Variants in MED12L observed in about 807,000 individuals in gnomAD.
The protein encoded by MED12L is mediator complex subunit 12L, also known as mediator of RNA polymerase II transcription subunit 12-like protein.
MED12L carries 60 observed loss-of-function variants against 281.3 expected under a neutral mutation model. The observed-to-expected ratio is 0.21, with a 90% CI of 0.17 to 0.26. The LOEUF (loss-of-function observed/expected upper bound fraction) is 0.26, where lower values mean the gene tolerates loss of function less well. Among genes scored for constraint, MED12L ranks in the 10% least tolerant of loss-of-function variants. The pLI, the probability that MED12L is intolerant of heterozygous loss-of-function variation, is 1.00. For synonymous variants in MED12L, 974 were observed against 987.2 expected, an observed-to-expected ratio of 0.99 and a Z score of 0.25; for missense variants, 2,146 against 2,680.9, an observed-to-expected ratio of 0.80 and a Z score of 4.41.
chr3:151,428,050 G>A lies in MED12L; in HGVS notation c.6409-2249G>A, dbSNP rs1228028170. Among the ~76,000 whole-genome samples the A allele has an allele frequency of 2.6e-5, 4 of 152,186 alleles. No individual in the cohort carries two copies. The South Asian group carries it at 8.3e-4, about 32-fold the overall frequency. On this transcript the variant is annotated intron_variant, in intron 43 of 44. Coordinates refer to ENST00000687756, the MANE Select transcript of MED12L (RefSeq NM_001393769.1). Reference sequence around the variant, plus strand: ...TATCCTACCTGATATAATTATTCATGTGCTTGCTACAGAAATGTAATATGC... The same window carrying A: ...TATCCTACCTGATATAATTATTCATATGCTTGCTACAGAAATGTAATATGC...
At chr3:151,206,642 C>CTTTTTTTCTTTTTTT (rs1726408663) in intron 16 of MED12L, among the ~76,000 whole-genome samples, 1 of 70,316 alleles carries the variant, frequency 1.4e-5, no homozygotes, top group African/African-American at 6.0e-5. Flanking sequence ...AACACATTAT[C>CTTTTTTTCTTTTTTT]TTTTTTTTTT....
At chr3:151,165,318 G>A in intron 9 of MED12L, 102 bp from the exon 10 acceptor site, 1 of 729,966 alleles carries the variant, frequency 1.4e-6, no homozygotes, top group Middle Eastern at 2.6e-4. Flanking sequence ...CAAGATTGTA[G>A]TTCACTATAG....
chr3:151,318,264 A>T (rs1297258797), intron 16 of MED12L, among the ~76,000 whole-genome samples: 1 of 152,020 alleles, frequency 6.6e-6, no homozygotes, highest in Non-Finnish European at 1.5e-5. Flanking sequence ...GAATTTGCAG[A>T]TTTACAAACA....
At chr3:151,141,472 T>C (rs991518778) in intron 5 of MED12L, among the ~76,000 whole-genome samples, 7 of 152,194 alleles carry the variant, frequency 4.6e-5, no homozygotes, top group Admixed American at 1.3e-4. Flanking sequence ...CTGTGCTGTT[T>C]GTCTGTAAGG....
chr3:151,411,648 T>C, intron 41 of MED12L, 141 bp downstream of exon 41: 1 of 707,066 alleles, frequency 1.4e-6, no homozygotes, highest in East Asian at 2.7e-5. Context: ...TCATCTCGTT[T>C]TTAGTAGTAT....
intron 16 of MED12L, among the ~76,000 whole-genome samples, chr3:151,272,043 C>G (rs1219352395): frequency 6.6e-6 from 1 of 152,180 alleles, no homozygotes; most frequent in Non-Finnish European, 1.5e-5. Context: ...AAAACTTGCT[C>G]TTGAAGCAAT....
chr3:151,227,848 GTGGGTAGGC>G, intron 16 of MED12L, among the ~76,000 whole-genome samples: 1 of 152,274 alleles, frequency 6.6e-6, no homozygotes, highest in Admixed American at 6.5e-5. Context: ...TCAGTTCTTT[GTGGGTAGGC>G]TGTCTTGTGT....
intron 43 of MED12L, among the ~76,000 whole-genome samples, chr3:151,423,269 T>C (rs1367869168): frequency 6.6e-6 from 1 of 152,022 alleles, no homozygotes; most frequent in African/African-American, 2.4e-5. Context: ...ATCTCTTTGC[T>C]CGTTGACGTC....
chr3:151,400,032 G>A (rs1382984524), intron 39 of MED12L, among the ~76,000 whole-genome samples: 1 of 152,100 alleles, frequency 6.6e-6, no homozygotes, highest in Non-Finnish European at 1.5e-5. Context: ...TTACCATGTT[G>A]GCCAGGCTGG....
intron 16 of MED12L, among the ~76,000 whole-genome samples, chr3:151,319,393 T>C (rs1748700895): frequency 6.6e-6 from 1 of 152,014 alleles, no homozygotes; most frequent in Admixed American, 6.6e-5. Flanking sequence ...GGCACTCTTT[T>C]ATTAATTTTG....
At chr3:151,173,069 T>G (rs538524305) in intron 11 of MED12L, among the ~76,000 whole-genome samples, 80 of 150,262 alleles carry the variant, frequency 5.3e-4, no homozygotes, top group African/African-American at 1.9e-3. Context: ...TTGAGTATTA[T>G]GCGACTTTTT....
At chr3:151,129,417 A>G (rs1001096874) in intron 5 of MED12L, among the ~76,000 whole-genome samples, 12 of 152,044 alleles carry the variant, frequency 7.9e-5, no homozygotes, top group Admixed American at 5.2e-4. Context: ...GTAATCCACA[A>G]GTTAACAGTG....
intron 5 of MED12L, among the ~76,000 whole-genome samples, chr3:151,155,408 T>C (rs995646521): frequency 6.6e-6 from 1 of 152,234 alleles, no homozygotes; most frequent in Non-Finnish European, 1.5e-5. Context: ...GTTGCTACTT[T>C]GGTTGTTTCC....
chr3:151,122,932 T>G lies in MED12L; in HGVS notation c.354T>G (p.Ser118=), dbSNP rs1241909748. 1.2e-6 allele frequency: 2 copies of G among 1,610,186 alleles called. No individual in the cohort carries two copies. The highest frequency in any genetic ancestry group is 3.4e-5 in the Admixed American group (2 of 59,246). ...AGAGTGCAATTCATAGTTGGTTTTC[T>G]GACTTAGCAGGAAATAAGCCACTTT... The part of the protein sequence containing the change: ...RSQSAIHSWF[S]DLAGNKPLSI... The change falls in exon 4 of 45, where the codon TCT becomes TCG. Residue 118 remains serine, a synonymous_variant. Coordinates refer to ENST00000687756, the MANE Select transcript of MED12L (RefSeq NM_001393769.1).
intron 16 of MED12L, among the ~76,000 whole-genome samples, chr3:151,233,402 A>G (rs970521245): frequency 6.6e-6 from 1 of 152,236 alleles, no homozygotes; most frequent in African/African-American, 2.4e-5. Flanking sequence ...ATACTTTGAA[A>G]AGACTACATG....
intron 20 of MED12L, among the ~76,000 whole-genome samples, chr3:151,359,323 T>G (rs1369172980): frequency 6.6e-6 from 1 of 152,206 alleles, no homozygotes; most frequent in African/African-American, 2.4e-5. Flanking sequence ...GTTGAATCAT[T>G]ACTTTTCTTC....
intron 3 of MED12L, among the ~76,000 whole-genome samples, chr3:151,119,053 T>G (rs1307380187): frequency 2.0e-5 from 3 of 152,220 alleles, no homozygotes; most frequent in Non-Finnish European, 4.4e-5. Flanking sequence ...TGTATGCACT[T>G]TTCCTTATGG....
intron 40 of MED12L, among the ~76,000 whole-genome samples, chr3:151,410,033 G>A (rs1019703506): frequency 7.9e-5 from 12 of 152,028 alleles, no homozygotes; most frequent in African/African-American, 2.9e-4. Context: ...AAAATAACGG[G>A]GCTTGAAATC....
At chr3:151,416,818 T>C (rs972983823) in intron 43 of MED12L, among the ~76,000 whole-genome samples, 3 of 152,346 alleles carry the variant, frequency 2.0e-5, no homozygotes, top group Non-Finnish European at 2.9e-5. Flanking sequence ...TAAAATATTA[T>C]CTATTATCTT....
Sources: gnomAD v4.1 joint callset for allele counts (sites outside exome capture counted in the v4.1 genomes callset) on GRCh38, gnomAD v4.1.1 for gene constraint, MANE v1.5 for transcripts, NCBI Gene and HGNC (gene_info 2026-07-23, HGNC 2026-07-21) for gene names.